CCBE1: variants seen among roughly 807,000 people sequenced by gnomAD.
CCBE1 encodes collagen and calcium-binding EGF domain-containing protein 1.
A neutral mutation model predicts 50.0 loss-of-function variants in CCBE1; 37 were observed. The ratio of observed to expected loss-of-function variants is 0.74; its 90% confidence interval spans 0.57 to 0.97. CCBE1 has a LOEUF of 0.97. CCBE1 is among the 50% of genes least tolerant of loss of function. The probability of loss-of-function intolerance (pLI) is 0.00; values close to 1 mark genes in which losing one functional copy is unlikely to be tolerated. For missense variants in CCBE1, 538 were observed against 523.8 expected (o/e 1.03, Z -0.26); for synonymous variants, 234 against 203.7 (o/e 1.15, Z -1.27).
At chr18:59,479,594 A>G (rs1912469351) in intron 3 of CCBE1, among the ~76,000 whole-genome samples, 1 of 152,250 alleles carries the variant, frequency 6.6e-6, no homozygotes, top group African/African-American at 2.4e-5. Context: ...ACTAAGGCTT[A>G]GAAAGTAACC....
intron 2 of CCBE1, among the ~76,000 whole-genome samples, chr18:59,560,502 G>A (rs1359272335): frequency 1.3e-5 from 2 of 152,066 alleles, no homozygotes; most frequent in African/African-American, 2.4e-5. Context: ...TAATGCATGC[G>A]GGGCTTAAAA....
At chr18:59,521,006 T>A (rs17065913) in intron 2 of CCBE1, among the ~76,000 whole-genome samples, 23,003 of 152,216 alleles carry the variant, frequency 0.15, 1,812 homozygotes, top group Middle Eastern at 0.21. Context: ...TGGAATGATA[T>A]TCTCTGAATG....
chr18:59,533,031 A>G (rs1915111484), intron 2 of CCBE1, among the ~76,000 whole-genome samples: 1 of 152,198 alleles, frequency 6.6e-6, no homozygotes, highest in African/African-American at 2.4e-5. Flanking sequence ...AAAGTATTGC[A>G]TTTGATTATT....
chr18:59,692,187 T>TA (rs1034137006), intron 2 of CCBE1, among the ~76,000 whole-genome samples: 6 of 152,216 alleles, frequency 3.9e-5, no homozygotes, highest in African/African-American at 1.4e-4. Context: ...ATTGAGCATC[T>TA]AAAACATTCA....
At chr18:59,526,454 C>T (rs1353824699) in intron 2 of CCBE1, among the ~76,000 whole-genome samples, 2 of 151,532 alleles carry the variant, frequency 1.3e-5, no homozygotes, top group African/African-American at 2.4e-5. Flanking sequence ...GGATTACAGG[C>T]ACCCACCACT....
intron 7 of CCBE1, among the ~76,000 whole-genome samples, chr18:59,444,006 A>G (rs190228373): frequency 1.3e-5 from 2 of 152,272 alleles, no homozygotes; most frequent in African/African-American, 4.8e-5. Flanking sequence ...TCATTTTTTG[A>G]CTAGCTTATT....
At chr18:59,481,165 A>C (rs1912552331) in intron 2 of CCBE1, among the ~76,000 whole-genome samples, 1 of 152,238 alleles carries the variant, frequency 6.6e-6, no homozygotes, top group Non-Finnish European at 1.5e-5. Flanking sequence ...GAAATTATAG[A>C]ACTGACAAAT....
intron 2 of CCBE1, among the ~76,000 whole-genome samples, chr18:59,687,499 C>G (rs2054671891): frequency 6.6e-6 from 1 of 152,178 alleles, no homozygotes; most frequent in African/African-American, 2.4e-5. Context: ...CCTTCCTTTG[C>G]CAAAATACCA....
At chr18:59,645,790 G>C (rs1599096451) in intron 2 of CCBE1, among the ~76,000 whole-genome samples, 1 of 152,194 alleles carries the variant, frequency 6.6e-6, no homozygotes, top group Admixed American at 6.5e-5. Flanking sequence ...CCAGCACTTT[G>C]GGAGGCCAAG....
rs776726406 is a variant in CCBE1 at position 59,469,565 on chromosome 18, G to A, written c.308C>T (p.Thr103Met). 61 of 1,614,030 alleles carry A rather than the reference G, an allele frequency of 3.8e-5. No individual in the cohort carries two copies. The highest frequency in any genetic ancestry group is 4.5e-5 in the Non-Finnish European group (53 of 1,180,042). Residue 103 changes from threonine (T) to methionine (M), a missense_variant, in exon 4 of 11, where the codon ACG becomes ATG. Thr to Met is a moderately conservative substitution (Grantham distance 81). Coordinates refer to ENST00000439986, the MANE Select transcript of CCBE1 (RefSeq NM_133459.4). ...ACACAGCACTCGGCCAAAGTTGTCC[G>A]TGCACTGCTGTTCACAGGGAGCCTC... The part of the protein sequence containing the change: ...CAEAPCEQQC[T>M]DNFGRVLCTC...
At chr18:59,595,842 A>C (rs947250325) in intron 2 of CCBE1, among the ~76,000 whole-genome samples, 4 of 152,214 alleles carry the variant, frequency 2.6e-5, no homozygotes, top group Non-Finnish European at 2.9e-5. Context: ...GGCTTTATCA[A>C]GTGGGTACCA....
chr18:59,542,093 G>A (rs1915489731), intron 2 of CCBE1, among the ~76,000 whole-genome samples: 1 of 151,016 alleles, frequency 6.6e-6, no homozygotes. Flanking sequence ...AGGATCACCT[G>A]AGCCCAGGAG....
At chr18:59,683,175 G>A (rs1167628255) in intron 2 of CCBE1, among the ~76,000 whole-genome samples, 1 of 152,174 alleles carries the variant, frequency 6.6e-6, no homozygotes, top group African/African-American at 2.4e-5. Context: ...AAGAGTGTGA[G>A]TGAAACTCTC....
chr18:59,574,288 A>C (rs2052958759), intron 2 of CCBE1, among the ~76,000 whole-genome samples: 1 of 152,258 alleles, frequency 6.6e-6, no homozygotes, highest in Non-Finnish European at 1.5e-5. Context: ...TTGCCCAAAA[A>C]GTGTCTTTAG....
chr18:59,440,642 A>C (rs928152029), intron 7 of CCBE1, among the ~76,000 whole-genome samples: 2 of 152,166 alleles, frequency 1.3e-5, no homozygotes, highest in Non-Finnish European at 2.9e-5. Context: ...TGCAGGCCCC[A>C]GAGAAATATC....
intron 2 of CCBE1, among the ~76,000 whole-genome samples, chr18:59,616,472 C>T (rs183476602): frequency 2.0e-5 from 3 of 152,226 alleles, no homozygotes; most frequent in East Asian, 1.9e-4. Context: ...ACTAAAAAGC[C>T]GCCCCTTTCC....
At chr18:59,556,961 C>T (rs951945978) in intron 2 of CCBE1, among the ~76,000 whole-genome samples, 1 of 143,662 alleles carries the variant, frequency 7.0e-6, no homozygotes, top group Admixed American at 6.9e-5. Context: ...CACATTAGTG[C>T]TGGCCACCAG....
intron 2 of CCBE1, among the ~76,000 whole-genome samples, chr18:59,664,967 G>T (rs570111335): frequency 0.019 from 2,849 of 152,206 alleles, 85 homozygotes; most frequent in African/African-American, 0.066. Context: ...ATTCTTCACT[G>T]CCCTCCCCTC....
At chr18:59,695,007 T>C (rs935353929) in intron 2 of CCBE1, among the ~76,000 whole-genome samples, 12 of 151,902 alleles carry the variant, frequency 7.9e-5, no homozygotes, top group Non-Finnish European at 1.6e-4. Flanking sequence ...GTTCAAAGAG[T>C]ATAAAAGAAA....
Sources: gnomAD v4.1 joint callset for allele counts (sites outside exome capture counted in the v4.1 genomes callset) on GRCh38, gnomAD v4.1.1 for gene constraint, MANE v1.5 for transcripts, NCBI Gene and HGNC (gene_info 2026-07-23, HGNC 2026-07-21) for gene names.